KCNH1: variants seen among roughly 807,000 people sequenced by gnomAD.
The protein encoded by KCNH1 is potassium voltage-gated channel subfamily H member 1.
Under a neutral mutation model 69.2 loss-of-function variants are expected in KCNH1, and 27 were observed. That is an observed-to-expected ratio of 0.39 (90% CI 0.29 to 0.54). KCNH1 has a LOEUF of 0.54. Among genes scored for constraint, KCNH1 ranks in the 20% least tolerant of loss-of-function variants. The pLI is 0.68. For synonymous variants in KCNH1, 456 were observed against 487.7 expected, an observed-to-expected ratio of 0.93 and a Z score of 0.86; for missense variants, 798 against 1,261.6, an observed-to-expected ratio of 0.63 and a Z score of 5.57.
At chr1:210,733,283 G>A (rs1207596573) in intron 10 of KCNH1, among the ~76,000 whole-genome samples, 1 of 152,144 alleles carries the variant, frequency 6.6e-6, no homozygotes, top group Admixed American at 6.5e-5. Flanking sequence ...TCTGACTTGA[G>A]AAAGGAGAAT....
At chr1:210,801,861 T>C (rs1333434870) in intron 8 of KCNH1, among the ~76,000 whole-genome samples, 1 of 152,238 alleles carries the variant, frequency 6.6e-6, no homozygotes, top group East Asian at 1.9e-4. Flanking sequence ...ACCCTGCCCA[T>C]CCAAGAAATT....
At chr1:211,039,850 A>G (rs1162456632) in intron 5 of KCNH1, among the ~76,000 whole-genome samples, 1 of 152,168 alleles carries the variant, frequency 6.6e-6, no homozygotes, top group Non-Finnish European at 1.5e-5. Context: ...GCCTTGTCTC[A>G]GATGAGACTT....
At chr1:210,710,341 A>G (rs1344354650) in intron 10 of KCNH1, among the ~76,000 whole-genome samples, 1 of 151,850 alleles carries the variant, frequency 6.6e-6, no homozygotes, top group Non-Finnish European at 1.5e-5. Flanking sequence ...ATTCCTGTAC[A>G]CTACTATAGA....
intron 5 of KCNH1, among the ~76,000 whole-genome samples, chr1:211,040,645 T>C (rs1050818307): frequency 1.3e-5 from 2 of 152,204 alleles, no homozygotes; most frequent in African/African-American, 4.8e-5. Flanking sequence ...TGAAAATTTT[T>C]CGTGTCCAGT....
rs1682301404 is a variant in KCNH1, at chr1:210,717,936, A to G, written c.2113-33798T>C. On this transcript the variant is annotated intron_variant, in intron 10 of 10. Transcript: ENST00000271751. Reference sequence around the variant, plus strand: ...GGCCTGGCCAACATAGTGAAACCCCATGTCTACTAAAAATATAAAAGTTAG... The same window carrying G: ...GGCCTGGCCAACATAGTGAAACCCCGTGTCTACTAAAAATATAAAAGTTAG... 3.9e-5 allele frequency among the ~76,000 whole-genome samples: 6 copies of G among 151,992 alleles called. No individual in the cohort carries two copies. In the South Asian group the frequency reaches 1.2e-3, roughly 32 times the overall value.
At chr1:210,883,302 G>C (rs978507191) in intron 7 of KCNH1, among the ~76,000 whole-genome samples, 1 of 152,124 alleles carries the variant, frequency 6.6e-6, no homozygotes, top group Non-Finnish European at 1.5e-5. Context: ...TTCTTTCCTG[G>C]CTAACATATG....
chr1:210,831,443 T>C (rs541304944), intron 7 of KCNH1, among the ~76,000 whole-genome samples: 75 of 152,302 alleles, frequency 4.9e-4, no homozygotes, highest in Admixed American at 1.7e-3. Flanking sequence ...CAGATTAAGA[T>C]AGACTGAGAA....
chr1:210,994,020 A>G (rs1163623156), intron 6 of KCNH1, among the ~76,000 whole-genome samples: 1 of 152,242 alleles, frequency 6.6e-6, no homozygotes, highest in Non-Finnish European at 1.5e-5. Context: ...TCATTATCTT[A>G]GTGTTCATAA....
At chr1:211,074,216 T>C (rs1190230624) in intron 5 of KCNH1, among the ~76,000 whole-genome samples, 2 of 151,548 alleles carry the variant, frequency 1.3e-5, no homozygotes, top group Non-Finnish European at 2.9e-5. Context: ...TATGTTACAT[T>C]AGAAGGTATC....
chr1:210,839,958 A>C (rs948360144), intron 7 of KCNH1, among the ~76,000 whole-genome samples: 4 of 152,224 alleles, frequency 2.6e-5, no homozygotes, highest in Non-Finnish European at 5.9e-5. Flanking sequence ...CAGGACCAAT[A>C]AGCAAGTTAC....
intron 7 of KCNH1, among the ~76,000 whole-genome samples, chr1:210,916,162 G>T (rs1338900142): frequency 1.3e-5 from 2 of 152,116 alleles, no homozygotes; most frequent in African/African-American, 4.8e-5. Flanking sequence ...GTGTATACAT[G>T]TGTATACACG....
intron 3 of KCNH1, among the ~76,000 whole-genome samples, chr1:211,095,929 G>A (rs555007129): frequency 2.6e-5 from 4 of 152,066 alleles, no homozygotes; most frequent in African/African-American, 7.2e-5. Flanking sequence ...AGCCTTGGCC[G>A]CATCAGTTTA....
At chr1:210,997,648 G>A (rs1196543090) in intron 6 of KCNH1, among the ~76,000 whole-genome samples, 2 of 152,068 alleles carry the variant, frequency 1.3e-5, no homozygotes, top group African/African-American at 4.8e-5. Flanking sequence ...TGCAGATTCA[G>A]GAAATACAGG....
chr1:210,744,735 T>C (rs1017197242), intron 10 of KCNH1, among the ~76,000 whole-genome samples: 4 of 152,108 alleles, frequency 2.6e-5, no homozygotes, highest in African/African-American at 9.7e-5. Context: ...GGTGGGGTCA[T>C]GAATTTACCT....
chr1:211,086,793 A>T (rs1032823265), intron 4 of KCNH1, among the ~76,000 whole-genome samples: 5 of 152,174 alleles, frequency 3.3e-5, no homozygotes, highest in Non-Finnish European at 7.3e-5. Flanking sequence ...CAGGGGTACC[A>T]AAAAAGACAG....
intron 10 of KCNH1, among the ~76,000 whole-genome samples, chr1:210,719,018 G>A (rs1235992117): frequency 3.3e-5 from 5 of 152,130 alleles, no homozygotes; most frequent in Non-Finnish European, 7.3e-5. Context: ...GGCACCAAAT[G>A]CCTTCGCACC....
intron 7 of KCNH1, among the ~76,000 whole-genome samples, chr1:210,888,536 G>A (rs913611940): frequency 1.1e-4 from 17 of 152,152 alleles, no homozygotes; most frequent in East Asian, 1.9e-4. Context: ...AAAGCTAGCA[G>A]AAGACAAGAA....
chr1:211,010,102 C>A (rs1027788699), intron 6 of KCNH1, among the ~76,000 whole-genome samples: 4 of 152,268 alleles, frequency 2.6e-5, no homozygotes, highest in African/African-American at 4.8e-5. Context: ...TGATGGAGTT[C>A]TCCACTCACA....
intron 7 of KCNH1, among the ~76,000 whole-genome samples, chr1:210,909,582 CT>C (rs1363547155): frequency 6.6e-6 from 1 of 152,110 alleles, no homozygotes; most frequent in Non-Finnish European, 1.5e-5. Flanking sequence ...AAGTACCTTC[CT>C]GACTATTAAG....
Sources: allele counts gnomAD v4.1 joint callset (sites outside exome capture counted in the v4.1 genomes callset), GRCh38; gene constraint gnomAD v4.1.1; transcripts MANE v1.5; gene names NCBI Gene and HGNC (gene_info 2026-07-23, HGNC 2026-07-21).